PCDH15: variants seen among roughly 807,000 people sequenced by gnomAD.
The protein encoded by PCDH15 is protocadherin related 15, also known as protocadherin-15.
Under a neutral mutation model 178.5 loss-of-function variants are expected in PCDH15, and 129 were observed. The observed-to-expected ratio is 0.72, with a 90% CI of 0.63 to 0.84. PCDH15 has a LOEUF of 0.84. Ranked by LOEUF, PCDH15 falls within the 40% of genes least tolerant of loss-of-function variation. The pLI is 0.00. For synonymous variants in PCDH15, 800 were observed against 732.0 expected, an observed-to-expected ratio of 1.09 and a Z score of -1.50; for missense variants, 2,230 against 2,099.9, an observed-to-expected ratio of 1.06 and a Z score of -1.21.
intron 9 of PCDH15, among the ~76,000 whole-genome samples, chr10:54,233,044 G>A (rs375484524): frequency 6.6e-6 from 1 of 150,762 alleles, no homozygotes; most frequent in African/African-American, 2.4e-5. Context: ...CCCAGACCCA[G>A]GTGATTCTCC....
At chr10:54,123,098 A>C (rs907689026) in intron 15 of PCDH15, among the ~76,000 whole-genome samples, 1 of 152,190 alleles carries the variant, frequency 6.6e-6, no homozygotes, top group Non-Finnish European at 1.5e-5. Flanking sequence ...ACTATTCTGG[A>C]CATCACCTTT....
chr10:54,903,568 ATG>A (rs1161923592), intron 2 of PCDH15, among the ~76,000 whole-genome samples: 1 of 147,802 alleles, frequency 6.8e-6, no homozygotes, highest in African/African-American at 2.4e-5. Context: ...ATTTTTTGCC[ATG>A]TTTTTTTTTT....
chr10:53,878,485 TA>T (rs1382498062), intron 26 of PCDH15, among the ~76,000 whole-genome samples: 2 of 142,626 alleles, frequency 1.4e-5, no homozygotes, highest in Non-Finnish European at 3.0e-5. Flanking sequence ...AGTATATATA[TA>T]AATATATAAT....
At chr10:54,489,707 C>G (rs2079409666) in intron 3 of PCDH15, among the ~76,000 whole-genome samples, 1 of 152,024 alleles carries the variant, frequency 6.6e-6, no homozygotes. Flanking sequence ...TATTTTTAAC[C>G]TCAGAACATA....
intron 25 of PCDH15, among the ~76,000 whole-genome samples, chr10:53,911,191 T>C (rs181206948): frequency 8.4e-4 from 128 of 152,134 alleles, no homozygotes; most frequent in Non-Finnish European, 1.2e-3. Context: ...TATTCCAAAA[T>C]TGACCACATA....
At chr10:55,183,255 G>A (rs757294444) in intron 1 of PCDH15, among the ~76,000 whole-genome samples, 7 of 151,860 alleles carry the variant, frequency 4.6e-5, no homozygotes, top group Non-Finnish European at 1.0e-4. Context: ...ATATTGTCAA[G>A]TGTTTTAAGG....
At chr10:54,666,647 GA>G (rs2094576306) in intron 1 of PCDH15, among the ~76,000 whole-genome samples, 1 of 151,780 alleles carries the variant, frequency 6.6e-6, no homozygotes. Context: ...AAAATATAAA[GA>G]GAAACCATAT....
At chr10:54,873,169 G>C (rs187125522) in intron 3 of PCDH15, among the ~76,000 whole-genome samples, 1 of 151,920 alleles carries the variant, frequency 6.6e-6, no homozygotes, top group Admixed American at 6.6e-5. Context: ...TCTAAAAAGG[G>C]GATATGTTTT....
In PCDH15 at chr10:54,463,094, C is replaced by T. The variant is rs184457217; in HGVS notation, c.157+64718G>A. Among the ~76,000 whole-genome samples, 471 of 152,146 alleles carry T rather than the reference C, an allele frequency of 3.1e-3. 2 individuals are homozygous for T. Among genetic ancestry groups the T allele is most frequent in the African/African-American group, 0.011 (438 of 41,524 alleles). On this transcript the variant is annotated intron_variant, in intron 3 of 37. Transcript: ENST00000644397. ...TGTTCATATCAGTACTCAATGAGAA[C>T]ATTAACATGTTCAACTCTGTTCAGT...
intron 18 of PCDH15, among the ~76,000 whole-genome samples, chr10:54,031,561 A>G (rs954695852): frequency 2.0e-5 from 3 of 151,924 alleles, no homozygotes; most frequent in East Asian, 3.9e-4. Context: ...AGGAAAAAAA[A>G]AAGATAGCAA....
At chr10:54,971,277 A>C (rs1293171484) in intron 2 of PCDH15, among the ~76,000 whole-genome samples, 1 of 152,148 alleles carries the variant, frequency 6.6e-6, no homozygotes, top group East Asian at 1.9e-4. Context: ...GCAAGCCATC[A>C]TGGTTGGATC....
At chr10:55,180,949 C>A (rs1839632869) in intron 1 of PCDH15, among the ~76,000 whole-genome samples, 1 of 151,754 alleles carries the variant, frequency 6.6e-6, no homozygotes, top group South Asian at 2.1e-4. Context: ...AGAAAAAAAA[C>A]ATATTTTTTT....
At chr10:54,810,597 T>C (rs1952847387) in intron 3 of PCDH15, among the ~76,000 whole-genome samples, 1 of 152,160 alleles carries the variant, frequency 6.6e-6, no homozygotes, top group African/African-American at 2.4e-5. Flanking sequence ...CCCAAATCTT[T>C]TGCATTGATT....
At chr10:53,985,256 T>C (rs572512077) in intron 21 of PCDH15, among the ~76,000 whole-genome samples, 3 of 152,352 alleles carry the variant, frequency 2.0e-5, no homozygotes, top group East Asian at 1.9e-4. Flanking sequence ...TCTATTTTCA[T>C]TGAGCACTCA....
chr10:53,821,678 A>T (rs1307213814), intron 32 of PCDH15: 5 of 1,382,546 alleles, frequency 3.6e-6, no homozygotes, highest in Non-Finnish European at 4.7e-6. Context: ...TAAATCTATT[A>T]TATGAGTGAG....
At chr10:54,230,438 C>T (rs2053933101) in intron 9 of PCDH15, among the ~76,000 whole-genome samples, 1 of 151,922 alleles carries the variant, frequency 6.6e-6, no homozygotes, top group Non-Finnish European at 1.5e-5. Context: ...ATATGAAATA[C>T]AAAATGAAAT....
intron 2 of PCDH15, among the ~76,000 whole-genome samples, chr10:54,595,311 T>A (rs1050803101): frequency 6.6e-6 from 1 of 152,166 alleles, no homozygotes; most frequent in African/African-American, 2.4e-5. Flanking sequence ...CTCCCAGAGT[T>A]AGAGCACACA....
chr10:54,614,425 C>A (rs1401594627), intron 2 of PCDH15, among the ~76,000 whole-genome samples: 1 of 151,882 alleles, frequency 6.6e-6, no homozygotes, highest in Non-Finnish European at 1.5e-5. Context: ...ATTGTTGAGG[C>A]AATATTGCTC....
chr10:54,066,423 T>C (rs1266055450), intron 18 of PCDH15, among the ~76,000 whole-genome samples: 2 of 152,174 alleles, frequency 1.3e-5, no homozygotes, highest in African/African-American at 2.4e-5. Context: ...ATATATATTT[T>C]GAGGTCTAAA....
Sources: allele counts gnomAD v4.1 joint callset (sites outside exome capture counted in the v4.1 genomes callset), GRCh38; gene constraint gnomAD v4.1.1; transcripts MANE v1.5; gene names NCBI Gene and HGNC (gene_info 2026-07-23, HGNC 2026-07-21).